TBC1D8: variants seen among roughly 807,000 people sequenced by gnomAD.
TBC1D8 encodes TBC1 domain family member 8, also known as BUB2-like protein 1.
TBC1D8 carries 65 observed loss-of-function variants against 118.8 expected under a neutral mutation model. That is an observed-to-expected ratio of 0.55 (90% CI 0.45 to 0.67). The LOEUF (loss-of-function observed/expected upper bound fraction) is 0.67. TBC1D8 is among the 30% of genes least tolerant of loss of function. TBC1D8 has a pLI of 0.00. For synonymous variants in TBC1D8, 566 were observed against 595.8 expected (o/e 0.95, Z 0.73); for missense variants, 1,376 against 1,471.2 (o/e 0.94, Z 1.06).
chr2:101,139,753 T>A (rs1396147505), intron 1 of TBC1D8, among the ~76,000 whole-genome samples: 2 of 152,236 alleles, frequency 1.3e-5, no homozygotes, highest in East Asian at 3.9e-4. Context: ...GCTACCACCC[T>A]CCTGCACACC....
At chr2:101,034,780 A>C (rs991275889) in intron 9 of TBC1D8, among the ~76,000 whole-genome samples, 2 of 152,204 alleles carry the variant, frequency 1.3e-5, no homozygotes, top group African/African-American at 4.8e-5. Context: ...TTATTTTTCA[A>C]CTATGAATGT....
chr2:101,118,501 C>A (rs1368840659), intron 1 of TBC1D8, among the ~76,000 whole-genome samples: 2 of 149,582 alleles, frequency 1.3e-5, no homozygotes, highest in East Asian at 4.0e-4. Flanking sequence ...TCGAGACCAT[C>A]CTGGCTAACA....
rs117701345 is a variant in TBC1D8, at chr2:101,106,610, C to T, written c.128-16246G>A. Among the ~76,000 whole-genome samples the T allele has an allele frequency of 8.8e-4, 134 of 152,336 alleles. 1 individual carries two copies. In the East Asian group the frequency reaches 0.022, roughly 25 times the overall value. On this transcript the variant is annotated intron_variant, in intron 1 of 19. Transcript: ENST00000409318. ...AAACTACTACACATGCACAGATGGT[C>T]CTCGACTAACAATGGTTCCACTTAA...
At chr2:101,016,196 G>C (rs1349322725) in intron 17 of TBC1D8, among the ~76,000 whole-genome samples, 1 of 152,104 alleles carries the variant, frequency 6.6e-6, no homozygotes, top group East Asian at 1.9e-4. Context: ...CTAATATCCA[G>C]AATCTACAGT....
intron 16 of TBC1D8, 26 bp from the exon 17 acceptor site, chr2:101,021,772 T>G (rs1445373075): frequency 7.1e-7 from 1 of 1,399,688 alleles, no homozygotes. Context: ...AAAGAGTGAG[T>G]TGATGCCAAT....
chr2:101,101,957 G>T (rs181786068), intron 1 of TBC1D8, among the ~76,000 whole-genome samples: 1 of 151,326 alleles, frequency 6.6e-6, no homozygotes, highest in African/African-American at 2.4e-5. Flanking sequence ...AAACCACCAT[G>T]GTACACATAT....
intron 1 of TBC1D8, among the ~76,000 whole-genome samples, chr2:101,112,060 T>A (rs1161899358): frequency 3.3e-5 from 5 of 152,114 alleles, no homozygotes; most frequent in Admixed American, 3.3e-4. Flanking sequence ...GTGCTCTGGG[T>A]CCACATTGCT....
chr2:101,035,429 A>C (rs375284898), intron 9 of TBC1D8, among the ~76,000 whole-genome samples: 40 of 152,274 alleles, frequency 2.6e-4, no homozygotes, highest in African/African-American at 9.4e-4. Flanking sequence ...TGTCCTGATG[A>C]GGGTTCCCAG....
intron 1 of TBC1D8, among the ~76,000 whole-genome samples, chr2:101,131,709 G>A (rs978413971): frequency 8.5e-5 from 13 of 152,168 alleles, no homozygotes; most frequent in African/African-American, 3.1e-4. Context: ...CAGCTACTCG[G>A]GAGGCTAAGG....
chr2:101,070,442 T>TCA (rs1683249728), intron 2 of TBC1D8, among the ~76,000 whole-genome samples: 1 of 149,644 alleles, frequency 6.7e-6, no homozygotes, highest in Admixed American at 6.7e-5. Flanking sequence ...AGATAGAGTC[T>TCA]CACTCTGTTG....
At chr2:101,044,875 A>T (rs993706712) in intron 5 of TBC1D8, among the ~76,000 whole-genome samples, 3 of 152,080 alleles carry the variant, frequency 2.0e-5, no homozygotes, top group Non-Finnish European at 4.4e-5. Context: ...CAGCCTCCTG[A>T]GTAGCTGGGA....
intron 2 of TBC1D8, among the ~76,000 whole-genome samples, chr2:101,086,764 T>TA (rs901842170): frequency 1.1e-4 from 17 of 152,278 alleles, no homozygotes; most frequent in African/African-American, 2.4e-4. Context: ...CTGATAAGCT[T>TA]AAAAAAATCG....
At chr2:101,038,025 G>A (rs966557688) in intron 7 of TBC1D8, among the ~76,000 whole-genome samples, 4 of 152,154 alleles carry the variant, frequency 2.6e-5, no homozygotes, top group African/African-American at 7.2e-5. Context: ...GCAGCCCTGG[G>A]GCTGAGAGAG....
At chr2:101,124,420 G>A (rs540169914) in intron 1 of TBC1D8, among the ~76,000 whole-genome samples, 19 of 152,234 alleles carry the variant, frequency 1.2e-4, no homozygotes, top group Admixed American at 1.0e-3. Flanking sequence ...GTTGCTTGCA[G>A]GCTAACCAAG....
chr2:101,051,023 T>C (rs1682037711), intron 4 of TBC1D8, among the ~76,000 whole-genome samples: 1 of 152,210 alleles, frequency 6.6e-6, no homozygotes, highest in African/African-American at 2.4e-5. Flanking sequence ...TTGGTTTTCT[T>C]GCGTGTTAAT....
intron 7 of TBC1D8, 68 bp from the exon 8 acceptor site, chr2:101,037,776 G>A (rs1681116369): frequency 1.9e-6 from 3 of 1,592,030 alleles, no homozygotes; most frequent in Non-Finnish European, 1.7e-6. Context: ...TAGTCGAGGG[G>A]ACAGTCTTTG....
chr2:101,057,653 G>A (rs187216716), intron 3 of TBC1D8, among the ~76,000 whole-genome samples: 45 of 152,216 alleles, frequency 3.0e-4, no homozygotes, highest in Non-Finnish European at 5.0e-4. Flanking sequence ...ATGAGACTTC[G>A]TCTCTACAAA....
intron 1 of TBC1D8, among the ~76,000 whole-genome samples, chr2:101,106,397 G>A (rs909001969): frequency 2.0e-5 from 3 of 152,186 alleles, no homozygotes; most frequent in South Asian, 2.1e-4. Context: ...AGGGACCCCT[G>A]GATTTAATGC....
intron 3 of TBC1D8, among the ~76,000 whole-genome samples, chr2:101,054,855 T>A (rs11683376): frequency 6.7e-6 from 1 of 150,032 alleles, no homozygotes; most frequent in African/African-American, 2.4e-5. Flanking sequence ...GCTAATTTTG[T>A]ATTTTTAGTA....
Sources: gnomAD v4.1 joint callset for allele counts (sites outside exome capture counted in the v4.1 genomes callset) on GRCh38, gnomAD v4.1.1 for gene constraint, MANE v1.5 for transcripts, NCBI Gene and HGNC (gene_info 2026-07-23, HGNC 2026-07-21) for gene names.